SPTBN1: variants seen among roughly 807,000 people sequenced by gnomAD.
The protein encoded by SPTBN1 is spectrin beta chain, non-erythrocytic 1.
In SPTBN1, 32 loss-of-function variants were observed where a neutral mutation model predicts 266.4. The ratio of observed to expected loss-of-function variants is 0.12; its 90% confidence interval spans 0.09 to 0.16. The LOEUF (loss-of-function observed/expected upper bound fraction) is 0.16. SPTBN1 is among the 10% of genes least tolerant of loss of function. SPTBN1 has a pLI of 1.00. For synonymous variants in SPTBN1, 1,336 were observed against 1,162.2 expected (o/e 1.15, Z -3.04); for missense variants, 2,296 against 3,067.1 (o/e 0.75, Z 5.94).
At chr2:54,526,764 A>G (rs1235780637) in intron 2 of SPTBN1, 198 bp downstream of exon 2, 3 of 514,350 alleles carry the variant, frequency 5.8e-6, no homozygotes, top group East Asian at 6.7e-5. Context: ...CTAATGGCCA[A>G]AATTATTCAG....
In SPTBN1 at chr2:54,626,311, C is replaced by T. The variant is rs1349047575; in HGVS notation, c.1644+77C>T. ...CTTTTCTGTGACTCATTCACTAAAC[C>T]CCTACGTACAGCTGTGTGCCTTGTC... is the stretch of plus-strand genomic sequence containing the variant. On this transcript the variant is annotated intron_variant, in intron 12 of 35. Coordinates refer to ENST00000356805, the MANE Select transcript of SPTBN1 (RefSeq NM_003128.3). The surrounding 1 kb of genome is among the most constrained non-coding windows in gnomAD (Gnocchi z 4.7). The T allele has an allele frequency of 1.0e-5, 15 of 1,494,032 alleles. No individual in the cohort carries two copies. Among genetic ancestry groups the T allele is most frequent in the Non-Finnish European group, 1.3e-5 (14 of 1,111,562 alleles). 92.5% of individuals were successfully genotyped at this position (1,494,032 alleles called of 1,614,324 possible). A position where few individuals can be genotyped will look rare whatever the true frequency, so the allele number is the denominator to read the frequency against.
At chr2:54,468,308 A>G (rs1275902933) in intron 1 of SPTBN1, among the ~76,000 whole-genome samples, 1 of 141,174 alleles carries the variant, frequency 7.1e-6, no homozygotes, top group African/African-American at 2.8e-5. Flanking sequence ...CTCAGTCTCA[A>G]AAAAAATAAA....
chr2:54,618,213 C>T lies in SPTBN1; in HGVS notation c.763+20C>T, dbSNP rs1298721011. The T allele has an allele frequency of 6.2e-7, 1 of 1,602,176 alleles. No homozygotes were observed. The highest frequency in any genetic ancestry group is 8.5e-7 in the Non-Finnish European group (1 of 1,169,714). ...CCGAAGGTAGGGACTCAAGGGATTA[C>T]AGGTGGGATTTTTAGCATCTGTACC... On this transcript the variant is annotated intron_variant, in intron 7 of 35. Transcript: ENST00000356805.
intron 1 of SPTBN1, among the ~76,000 whole-genome samples, chr2:54,510,754 C>A (rs189752801): frequency 3.3e-4 from 51 of 152,276 alleles, no homozygotes; most frequent in African/African-American, 1.1e-3. Flanking sequence ...AATCACATCA[C>A]CAGGGAGATT....
At chr2:54,485,424 C>T (rs915332429) in intron 1 of SPTBN1, among the ~76,000 whole-genome samples, 1 of 152,202 alleles carries the variant, frequency 6.6e-6, no homozygotes, top group Non-Finnish European at 1.5e-5. Context: ...AGCTCCTAAC[C>T]GTGAGTGATC....
rs200254234 is a variant in SPTBN1, at chr2:54,480,084, C to CT, written c.-48+23570dup. Among the ~76,000 whole-genome samples the CT allele has an allele frequency of 1.3e-3, 191 of 152,258 alleles. 4 individuals carry two copies. The East Asian group carries it at 0.032, about 26-fold the overall frequency. On this transcript the variant is annotated intron_variant, in intron 1 of 35. Transcript: ENST00000356805. ...ATAAAGGCTCAGAAAGTAAAATTGA[C>CT]TTTTACTTTTTCAGCTACGTGTATA... is the stretch of plus-strand genomic sequence containing the variant.
chr2:54,551,435 T>C (rs1672558382), intron 2 of SPTBN1, among the ~76,000 whole-genome samples: 2 of 152,266 alleles, frequency 1.3e-5, no homozygotes, highest in African/African-American at 4.8e-5. Context: ...GGCATTCTTT[T>C]GTCTGTGCAG....
At chr2:54,585,000 G>A (rs1013452865) in intron 2 of SPTBN1, among the ~76,000 whole-genome samples, 6 of 152,186 alleles carry the variant, frequency 3.9e-5, no homozygotes, top group African/African-American at 7.2e-5. Context: ...TCTGTATTCC[G>A]TTTTATGGGA....
intron 1 of SPTBN1, among the ~76,000 whole-genome samples, chr2:54,472,068 C>G (rs182897501): frequency 8.3e-6 from 1 of 120,404 alleles, no homozygotes; most frequent in East Asian, 2.7e-4. Context: ...CGCTCTGTCG[C>G]CCAGGCCAGA....
chr2:54,457,694 C>T (rs1693133096), intron 1 of SPTBN1, among the ~76,000 whole-genome samples: 1 of 152,216 alleles, frequency 6.6e-6, no homozygotes, highest in African/African-American at 2.4e-5. Context: ...CTGCGGCCCC[C>T]GCCCGGCCCC....
At chr2:54,637,828 T>C (rs769169678) in intron 18 of SPTBN1, 25 bp downstream of exon 18, 1 of 1,580,540 alleles carries the variant, frequency 6.3e-7, no homozygotes, top group Non-Finnish European at 8.7e-7. Flanking sequence ...AATCCCTCTA[T>C]TCCTGTGTTC....
At chr2:54,595,662 C>T (rs903010898) in intron 2 of SPTBN1, among the ~76,000 whole-genome samples, 1 of 152,224 alleles carries the variant, frequency 6.6e-6, no homozygotes, top group Non-Finnish European at 1.5e-5. Context: ...TCGAGCTGAC[C>T]TGCAGGTCAT....
chr2:54,468,301 A>G (rs1008449073), intron 1 of SPTBN1, among the ~76,000 whole-genome samples: 3 of 150,878 alleles, frequency 2.0e-5, no homozygotes, highest in African/African-American at 4.9e-5. Flanking sequence ...AGTGAGACTC[A>G]GTCTCAAAAA....
At chr2:54,583,890 A>G (rs573221695) in intron 2 of SPTBN1, among the ~76,000 whole-genome samples, 10 of 152,180 alleles carry the variant, frequency 6.6e-5, no homozygotes, top group Non-Finnish European at 1.5e-4. Flanking sequence ...ATAAAAAATC[A>G]TTTCATATTT....
At chr2:54,602,359 C>T (rs941264796) in intron 3 of SPTBN1, among the ~76,000 whole-genome samples, 1 of 152,192 alleles carries the variant, frequency 6.6e-6, no homozygotes, top group Non-Finnish European at 1.5e-5. Flanking sequence ...TGCCCTGCAG[C>T]AGCGTTGACA....
chr2:54,631,727 AT>A, intron 16 of SPTBN1, 116 bp downstream of exon 16: 1 of 1,327,508 alleles, frequency 7.5e-7, no homozygotes, highest in Non-Finnish European at 1.0e-6. Context: ...TATATGGATA[AT>A]TTAGAGACTG....
intron 1 of SPTBN1, among the ~76,000 whole-genome samples, chr2:54,524,476 C>T (rs1211982213): frequency 6.6e-6 from 1 of 152,112 alleles, no homozygotes; most frequent in Non-Finnish European, 1.5e-5. Flanking sequence ...CCTGTCAGTT[C>T]TCCCTCCAAA....
Position 54,473,523 on chromosome 2 carries a change from C to T in SPTBN1, c.-48+17005C>T, listed in dbSNP as rs369204981. 2.0e-4 allele frequency among the ~76,000 whole-genome samples: 31 copies of T among 151,398 alleles called. No homozygotes were observed. In the East Asian group the frequency reaches 2.3e-3, roughly 11 times the overall value. ...GTTTTGTTTTTTTTTTAAGCACACA[C>T]GCACACACATACACACACATCCTTG... On this transcript the variant is annotated intron_variant, in intron 1 of 35. Coordinates refer to ENST00000356805, the MANE Select transcript of SPTBN1 (RefSeq NM_003128.3).
intron 2 of SPTBN1, among the ~76,000 whole-genome samples, chr2:54,548,225 C>G (rs1403308633): frequency 6.6e-6 from 1 of 152,034 alleles, no homozygotes; most frequent in Non-Finnish European, 1.5e-5. Context: ...TAGGCTATTC[C>G]TCAGGACACC....
Sources: allele counts gnomAD v4.1 joint callset (sites outside exome capture counted in the v4.1 genomes callset), GRCh38; gene constraint gnomAD v4.1.1; non-coding constraint Gnocchi (gnomAD v3.1); transcripts MANE v1.5; gene names NCBI Gene and HGNC (gene_info 2026-07-23, HGNC 2026-07-21).